The following IQGAP3 variants were observed in gnomAD, a reference collection of about 807,000 sequenced individuals.
IQGAP3 encodes the protein ras GTPase-activating-like protein IQGAP3.
A neutral mutation model predicts 208.2 loss-of-function variants in IQGAP3; 165 were observed. The ratio of observed to expected loss-of-function variants is 0.79; its 90% CI spans 0.70 to 0.90. IQGAP3 has a LOEUF of 0.90. Among genes scored for constraint, IQGAP3 ranks in the 40% least tolerant of loss-of-function variants. The probability of loss-of-function intolerance (pLI) is 0.00; values close to 1 mark genes in which losing one functional copy is unlikely to be tolerated. For missense variants in IQGAP3, 1,811 were observed against 2,043.1 expected (o/e 0.89, Z 2.19); for synonymous variants, 703 against 803.6 (o/e 0.87, Z 2.12).
At position 156,548,498 on chromosome 1, in the gene IQGAP3, A is replaced by T; in HGVS notation, c.1994-11T>A. ...AGAAAGCTGTGTCTGCTAAGCAGAAACCAAGCAAGCAGAAAAGGTTCAGAG... is the reference window on the plus strand; with the variant it reads ...AGAAAGCTGTGTCTGCTAAGCAGAATCCAAGCAAGCAGAAAAGGTTCAGAG... On this transcript the variant is annotated splice_polypyrimidine_tract_variant and intron_variant, in intron 17 of 37. Coordinates refer to ENST00000361170, the MANE Select transcript of IQGAP3 (RefSeq NM_178229.5). 6.2e-7 allele frequency: 1 copy of T among 1,612,382 alleles called. No homozygotes were observed. The highest frequency in any genetic ancestry group is 1.7e-4 in the Middle Eastern group (1 of 6,050).
At chr1:156,539,327 T>A in intron 25 of IQGAP3, 47 bp downstream of exon 25, 1 of 1,559,808 alleles carries the variant, frequency 6.4e-7, no homozygotes, top group Non-Finnish European at 8.8e-7. Context: ...AACAGGGGGA[T>A]CTCTTAACCC....
chr1:156,564,252 C>G (rs1462272434), intron 5 of IQGAP3, among the ~76,000 whole-genome samples: 1 of 152,062 alleles, frequency 6.6e-6, no homozygotes, highest in Non-Finnish European at 1.5e-5. Flanking sequence ...TTGCTGATGG[C>G]TGGCTGTAAG....
intron 5 of IQGAP3, 123 bp from the exon 6 acceptor site, chr1:156,563,947 CAA>C (rs2102440002): frequency 1.5e-6 from 1 of 687,456 alleles, no homozygotes; most frequent in East Asian, 2.7e-5. Flanking sequence ...CACCTGCCCT[CAA>C]GTCATCCCCA....
At chr1:156,569,674 A>G (rs1193108870) in intron 1 of IQGAP3, among the ~76,000 whole-genome samples, 1 of 150,318 alleles carries the variant, frequency 6.7e-6, no homozygotes, top group Non-Finnish European at 1.5e-5. Flanking sequence ...GCCCGCCACC[A>G]CGCCTGGCTA....
chr1:156,529,518 C>T (rs1265382582), intron 34 of IQGAP3, among the ~76,000 whole-genome samples: 21 of 152,092 alleles, frequency 1.4e-4, no homozygotes, highest in African/African-American at 5.1e-4. Context: ...AGTGGTGATT[C>T]ACACCTGTAA....
chr1:156,569,476 A>C lies in IQGAP3; in HGVS notation c.38-13T>G. The C allele has an allele frequency of 6.4e-7, 1 of 1,571,204 alleles. No homozygotes were observed. Among genetic ancestry groups the C allele is most frequent in the Non-Finnish European group, 8.7e-7 (1 of 1,148,560 alleles). On this transcript the variant is annotated splice_polypyrimidine_tract_variant and intron_variant, in intron 1 of 37. Transcript: ENST00000361170. ...GTGAGGCGTTCATCTGAGGAGTTAA[A>C]CGGGATAAGGTCAATGAAGAGAGCA...
chr1:156,534,278 T>G, intron 29 of IQGAP3, 137 bp from the exon 30 acceptor site: 1 of 1,344,490 alleles, frequency 7.4e-7, no homozygotes, highest in East Asian at 2.3e-5. Context: ...CTGCCCTCTG[T>G]CCTGCCCTAC....
rs1379966991 is a variant in IQGAP3, at chr1:156,529,931, A to G, written c.4404+174T>C. On this transcript the variant is annotated intron_variant, in intron 34 of 37. Coordinates refer to ENST00000361170, the MANE Select transcript of IQGAP3 (RefSeq NM_178229.5). ...GAGACTGTCTCAAAAAAAAAAAAAA[A>G]AAAGAAAAAAAAATCTTTCCTTCAA... 5.9e-5 allele frequency among the ~76,000 whole-genome samples: 9 copies of G among 151,588 alleles called. 1 individual carries two copies. Among genetic ancestry groups the G allele is most frequent in the Admixed American group, 1.3e-4 (2 of 15,220 alleles).
chr1:156,541,273 C>T lies in IQGAP3; in HGVS notation c.2531-357G>A, dbSNP rs141737613. ...CCCTAGTCTACCCCAATCTACCACTCACTTCTGCTGGGCCAACCTGCTCCT... is the reference window on the plus strand; with the variant it reads ...CCCTAGTCTACCCCAATCTACCACTTACTTCTGCTGGGCCAACCTGCTCCT... On this transcript the variant is annotated intron_variant, in intron 22 of 37. Coordinates refer to ENST00000361170, the MANE Select transcript of IQGAP3 (RefSeq NM_178229.5). 3.9e-5 allele frequency among the ~76,000 whole-genome samples: 6 copies of T among 151,966 alleles called. No individual in the cohort carries two copies. The East Asian group carries it at 9.7e-4, about 25-fold the overall frequency.
At chr1:156,533,935 C>T in intron 30 of IQGAP3, 60 bp from the exon 31 acceptor site, 1 of 1,604,630 alleles carries the variant, frequency 6.2e-7, no homozygotes, top group Non-Finnish European at 8.5e-7. Flanking sequence ...CCTCTGGGGC[C>T]AGCCCACTAC....
intron 9 of IQGAP3, 41 bp from the exon 10 acceptor site, chr1:156,562,042 C>T: frequency 2.6e-6 from 4 of 1,533,736 alleles, no homozygotes; most frequent in Non-Finnish European, 3.5e-6. Context: ...GTGAGAAAGC[C>T]ACCTCTCATA....
rs1242483523 is a variant in IQGAP3, at chr1:156,527,942, G to A, written c.4782+10C>T. On this transcript the variant is annotated intron_variant, in intron 37 of 37. Transcript: ENST00000361170. ...AGATGTCCTGCAGGCTCATGGGACT[G>A]TCCCCTCACCTGATAGTGAAGCTGA... 2 of 1,586,996 alleles carry A rather than the reference G, an allele frequency of 1.3e-6. No individual in the cohort carries two copies. Among genetic ancestry groups the A allele is most frequent in the East Asian group, 2.2e-5 (1 of 44,760 alleles).
At chr1:156,546,355 A>G (rs181131830) in intron 19 of IQGAP3, among the ~76,000 whole-genome samples, 7 of 152,274 alleles carry the variant, frequency 4.6e-5, no homozygotes, top group Admixed American at 3.3e-4. Context: ...TCTGTCTCCC[A>G]GGACCCAGGC....
intron 12 of IQGAP3, among the ~76,000 whole-genome samples, chr1:156,555,989 A>G (rs759626257): frequency 6.6e-5 from 10 of 152,206 alleles, no homozygotes; most frequent in Non-Finnish European, 1.3e-4. Context: ...CTCTTCCAGG[A>G]AGACTTCCCG....
intron 32 of IQGAP3, among the ~76,000 whole-genome samples, chr1:156,531,985 T>C (rs1371501622): frequency 6.6e-6 from 1 of 152,168 alleles, no homozygotes; most frequent in Admixed American, 6.5e-5. Context: ...CTTTGGCTCC[T>C]CTTCTGCCCA....
intron 32 of IQGAP3, 132 bp from the exon 33 acceptor site, chr1:156,531,379 C>A (rs868080850): frequency 1.4e-6 from 1 of 694,188 alleles, no homozygotes; most frequent in Admixed American, 2.1e-5. Flanking sequence ...GGAGAGAGAG[C>A]GAGGGATAGG....
Position 156,560,985 on chromosome 1 carries a change from C to G in IQGAP3, c.1078G>C (p.Val360Leu). ...GLVELLEKEE[V>L]QAGVAAANTK... The stretch of plus-strand genomic sequence containing the variant: ...TTGGCTGCAGCCACACCAGCCTGGA[C>G]TTCCTCCTTTTCCAGAAGCTCCACC... Residue 360 changes from valine (V) to leucine (L), a missense_variant, in exon 11 of 38, where the codon GTC becomes CTC. By Grantham distance (32) the Val-to-Leu change is conservative. Coordinates refer to ENST00000361170, the MANE Select transcript of IQGAP3 (RefSeq NM_178229.5). 1 of 1,613,952 alleles carries G rather than the reference C, an allele frequency of 6.2e-7. No individual in the cohort carries two copies. The highest frequency in any genetic ancestry group is 8.5e-7 in the Non-Finnish European group (1 of 1,179,924).
chr1:156,549,406 G>C (rs887923605), intron 16 of IQGAP3, among the ~76,000 whole-genome samples: 2 of 151,064 alleles, frequency 1.3e-5, no homozygotes, highest in Admixed American at 6.6e-5. Flanking sequence ...GGGAGGTAGA[G>C]GTTGCAGTGA....
At chr1:156,571,564 T>G (rs192069571) in intron 1 of IQGAP3, among the ~76,000 whole-genome samples, 1 of 152,332 alleles carries the variant, frequency 6.6e-6, no homozygotes, top group East Asian at 1.9e-4. Context: ...GAACAAGTGT[T>G]GGTTGTTAAG....
Sources: gnomAD v4.1 joint callset for allele counts (sites outside exome capture counted in the v4.1 genomes callset) on GRCh38, gnomAD v4.1.1 for gene constraint, MANE v1.5 for transcripts, NCBI Gene and HGNC (gene_info 2026-07-23, HGNC 2026-07-21) for gene names.